Variants in ROBO2 observed in about 807,000 individuals in gnomAD.
ROBO2 encodes the protein roundabout guidance receptor 2.
In ROBO2, 53 loss-of-function variants were observed where a neutral mutation model predicts 160.8. The ratio of observed to expected loss-of-function variants is 0.33; its 90% CI spans 0.26 to 0.41. The LOEUF is 0.41. ROBO2 is among the 10% of genes least tolerant of loss of function. The pLI, the probability that ROBO2 is intolerant of heterozygous loss-of-function variation, is 1.00. For missense variants in ROBO2, 1,577 were observed against 1,722.4 expected, an observed-to-expected ratio of 0.92 and a Z score of 1.49; for synonymous variants, 664 against 611.7, an observed-to-expected ratio of 1.09 and a Z score of -1.26.
intron 2 of ROBO2, among the ~76,000 whole-genome samples, chr3:76,272,243 T>G (rs1707478412): frequency 1.3e-5 from 2 of 152,140 alleles, no homozygotes; most frequent in South Asian, 2.1e-4. Context: ...CCTTTATAAT[T>G]TTATGCCTTG....
intron 2 of ROBO2, among the ~76,000 whole-genome samples, chr3:77,185,023 A>T (rs561495344): frequency 6.6e-6 from 1 of 151,362 alleles, no homozygotes; most frequent in Non-Finnish European, 1.5e-5. Flanking sequence ...AGTATAATGC[A>T]TGGAGCAGAT....
intron 2 of ROBO2, among the ~76,000 whole-genome samples, chr3:76,543,490 C>T (rs1401954533): frequency 6.6e-6 from 1 of 152,054 alleles, no homozygotes; most frequent in Non-Finnish European, 1.5e-5. Flanking sequence ...TTTCCTTGTT[C>T]CTACATCTAA....
chr3:76,001,131 T>C (rs947002892), intron 2 of ROBO2, among the ~76,000 whole-genome samples: 6 of 152,210 alleles, frequency 3.9e-5, no homozygotes, highest in African/African-American at 1.4e-4. Flanking sequence ...TAGTTATTCT[T>C]AAATGTTGGA....
chr3:77,129,042 G>C (rs1236691349), intron 2 of ROBO2, among the ~76,000 whole-genome samples: 2 of 151,940 alleles, frequency 1.3e-5, no homozygotes, highest in Admixed American at 6.6e-5. Context: ...TTCTCTTTTT[G>C]TGAATTGCCT....
intron 2 of ROBO2, among the ~76,000 whole-genome samples, chr3:76,178,450 A>G (rs945917259): frequency 6.6e-6 from 1 of 152,200 alleles, no homozygotes; most frequent in African/African-American, 2.4e-5. Context: ...AGGAGTTTAT[A>G]CTACAGGATT....
intron 2 of ROBO2, among the ~76,000 whole-genome samples, chr3:76,786,940 A>C (rs115779974): frequency 6.6e-6 from 1 of 151,418 alleles, no homozygotes; most frequent in African/African-American, 2.4e-5. Flanking sequence ...CACAGGATGC[A>C]TGGCTGGGGA....
At position 76,055,684 on chromosome 3, in the gene ROBO2, T is replaced by C. The variant is rs2067817362; in HGVS notation, c.109+118082T>C. Among the ~76,000 whole-genome samples, 4 of 152,238 alleles carry C rather than the reference T, an allele frequency of 2.6e-5. No homozygotes were observed. In the South Asian group the frequency reaches 8.3e-4, roughly 31 times the overall value. On this transcript the variant is annotated intron_variant, in intron 2 of 26. Transcript: ENST00000487694. The stretch of plus-strand genomic sequence containing the variant: ...AAAGGGCATGATTTTATTATTTTTG[T>C]GACTGTATGGTATTCCAAGGTGTAT...
chr3:77,065,086 C>T (rs2066703037), intron 1 of ROBO2, among the ~76,000 whole-genome samples: 1 of 152,036 alleles, frequency 6.6e-6, no homozygotes, highest in African/African-American at 2.4e-5. Context: ...AGTAAATCAA[C>T]TAGAAAAAAT....
intron 2 of ROBO2, among the ~76,000 whole-genome samples, chr3:76,731,150 A>G (rs1461170720): frequency 6.6e-6 from 1 of 152,256 alleles, no homozygotes; most frequent in Non-Finnish European, 1.5e-5. Flanking sequence ...AAGTCTACTA[A>G]GATAATTCAA....
intron 2 of ROBO2, among the ~76,000 whole-genome samples, chr3:76,150,231 C>T (rs1263200055): frequency 1.2e-5 from 1 of 82,590 alleles, no homozygotes; most frequent in African/African-American, 4.7e-5. Flanking sequence ...AAACAGACAT[C>T]TGTCTAAATC....
At chr3:77,040,005 G>A (rs2063923769) in exon 1 of ROBO2, 2 of 692,966 alleles carry the variant, frequency 2.9e-6, no homozygotes, top group Non-Finnish European at 3.5e-6. Flanking sequence ...ACTATCCTCA[G>A]AGGCGGCACC....
At chr3:76,091,857 A>T (rs1274995237) in intron 2 of ROBO2, among the ~76,000 whole-genome samples, 1 of 152,176 alleles carries the variant, frequency 6.6e-6, no homozygotes, top group Non-Finnish European at 1.5e-5. Context: ...CAACTATATG[A>T]TCTTCTGGAT....
intron 2 of ROBO2, among the ~76,000 whole-genome samples, chr3:76,087,115 A>C (rs1420078837): frequency 1.3e-5 from 2 of 152,080 alleles, no homozygotes; most frequent in Non-Finnish European, 2.9e-5. Flanking sequence ...CAATAATAAC[A>C]GAATTTCTCC....
chr3:77,479,592 A>G (rs898560451), intron 3 of ROBO2, among the ~76,000 whole-genome samples: 2 of 151,626 alleles, frequency 1.3e-5, no homozygotes, highest in Non-Finnish European at 2.9e-5. Flanking sequence ...CAGTCTCACT[A>G]TTAACACTGT....
At chr3:76,835,432 C>T (rs1362996527) in intron 2 of ROBO2, among the ~76,000 whole-genome samples, 1 of 147,222 alleles carries the variant, frequency 6.8e-6, no homozygotes, top group African/African-American at 2.5e-5. Flanking sequence ...TATATACAAA[C>T]ATATAATGTA....
chr3:77,208,803 G>A (rs2083745605), intron 2 of ROBO2, among the ~76,000 whole-genome samples: 1 of 152,146 alleles, frequency 6.6e-6, no homozygotes. Context: ...GTCATAGTAG[G>A]TAATGAGAAA....
At chr3:77,155,496 A>G (rs1180042080) in intron 2 of ROBO2, among the ~76,000 whole-genome samples, 3 of 152,042 alleles carry the variant, frequency 2.0e-5, no homozygotes, top group Non-Finnish European at 4.4e-5. Context: ...AGGCGAGGGA[A>G]CAGATAGTCC....
At chr3:76,185,466 T>C (rs2107137841) in intron 2 of ROBO2, among the ~76,000 whole-genome samples, 1 of 151,936 alleles carries the variant, frequency 6.6e-6, no homozygotes, top group African/African-American at 2.4e-5. Context: ...CATTTTGCAA[T>C]TATGCAGTGA....
chr3:77,057,393 T>A (rs535363097), intron 1 of ROBO2, among the ~76,000 whole-genome samples: 2 of 152,058 alleles, frequency 1.3e-5, no homozygotes, highest in African/African-American at 4.8e-5. Flanking sequence ...CACACCAACA[T>A]GGCACATGTA....
Sources: allele counts gnomAD v4.1 joint callset (sites outside exome capture counted in the v4.1 genomes callset), GRCh38; gene constraint gnomAD v4.1.1; transcripts MANE v1.5; gene names NCBI Gene and HGNC (gene_info 2026-07-23, HGNC 2026-07-21).